ROBO2: variants seen among roughly 807,000 people sequenced by gnomAD.
ROBO2 encodes the protein roundabout guidance receptor 2.
Under a neutral mutation model 160.8 loss-of-function variants are expected in ROBO2, and 53 were observed. The ratio of observed to expected loss-of-function variants is 0.33; its 90% CI spans 0.26 to 0.41. ROBO2 has a LOEUF of 0.41. Ranked by LOEUF, ROBO2 falls within the 10% of genes least tolerant of loss-of-function variation. The pLI, the probability that ROBO2 is intolerant of heterozygous loss-of-function variation, is 1.00. For missense variants in ROBO2, 1,577 were observed against 1,722.4 expected (o/e 0.92, Z 1.49); for synonymous variants, 664 against 611.7 (o/e 1.09, Z -1.26).
intron 2 of ROBO2, among the ~76,000 whole-genome samples, chr3:76,116,897 G>C (rs548562715): frequency 6.6e-6 from 1 of 152,190 alleles, no homozygotes; most frequent in Non-Finnish European, 1.5e-5. Context: ...AATGTGAAAT[G>C]TTTTCCATCA....
At chr3:76,451,907 C>T (rs1316638089) in intron 2 of ROBO2, among the ~76,000 whole-genome samples, 1 of 152,082 alleles carries the variant, frequency 6.6e-6, no homozygotes, top group Non-Finnish European at 1.5e-5. Flanking sequence ...AACCTGTTTA[C>T]AATTTTGTCT....
chr3:77,161,007 G>T (rs1205047346), intron 2 of ROBO2, among the ~76,000 whole-genome samples: 1 of 152,088 alleles, frequency 6.6e-6, no homozygotes, highest in African/African-American at 2.4e-5. Context: ...TGACTGAGTG[G>T]TTAACTGGTT....
intron 1 of ROBO2, among the ~76,000 whole-genome samples, chr3:75,919,408 GC>G (rs1946936857): frequency 1.3e-5 from 2 of 152,184 alleles, no homozygotes; most frequent in African/African-American, 4.8e-5. Flanking sequence ...TGGTGGATAA[GC>G]TTTTTGATGT....
chr3:76,778,922 C>T (rs2062452282), intron 2 of ROBO2, among the ~76,000 whole-genome samples: 2 of 151,074 alleles, frequency 1.3e-5, no homozygotes, highest in Non-Finnish European at 3.0e-5. Context: ...CAAATTGTCA[C>T]TGCATACATA....
chr3:76,533,672 A>G (rs2082344145), intron 2 of ROBO2, among the ~76,000 whole-genome samples: 1 of 152,134 alleles, frequency 6.6e-6, no homozygotes, highest in Admixed American at 6.5e-5. Flanking sequence ...GTCCGAAAAG[A>G]GAGTCAGCAA....
chr3:77,362,541 T>G (rs1000992570), intron 2 of ROBO2, among the ~76,000 whole-genome samples: 2 of 152,108 alleles, frequency 1.3e-5, no homozygotes, highest in African/African-American at 4.8e-5. Context: ...GGGTTCTTGC[T>G]AAAACTGGAT....
intron 8 of ROBO2, among the ~76,000 whole-genome samples, chr3:77,554,941 A>C (rs1163256917): frequency 6.6e-6 from 1 of 152,004 alleles, no homozygotes; most frequent in African/African-American, 2.4e-5. Flanking sequence ...ACAGCATTGC[A>C]TGCTACTGAA....
intron 2 of ROBO2, among the ~76,000 whole-genome samples, chr3:76,175,890 T>G (rs2073211920): frequency 2.6e-5 from 4 of 152,146 alleles, no homozygotes; most frequent in Admixed American, 2.0e-4. Context: ...TCTCATCCTA[T>G]GTAGTTTTTC....
At chr3:77,336,309 G>A (rs1407124505) in intron 2 of ROBO2, among the ~76,000 whole-genome samples, 1 of 152,106 alleles carries the variant, frequency 6.6e-6, no homozygotes, top group Admixed American at 6.5e-5. Context: ...GGACCTCTCA[G>A]GTTCAGCAAA....
At chr3:77,470,857 A>G (rs897707262) in intron 2 of ROBO2, among the ~76,000 whole-genome samples, 1 of 152,182 alleles carries the variant, frequency 6.6e-6, no homozygotes, top group Admixed American at 6.5e-5. Context: ...ATTGTGCCAC[A>G]TAACTCCAGC....
chr3:76,592,520 T>G (rs2108840384), intron 2 of ROBO2, among the ~76,000 whole-genome samples: 1 of 152,214 alleles, frequency 6.6e-6, no homozygotes, highest in Admixed American at 6.5e-5. Context: ...AGATAATAAC[T>G]TTGAGCTAAA....
chr3:76,304,167 A>G (rs1405195892), intron 2 of ROBO2, among the ~76,000 whole-genome samples: 1 of 152,194 alleles, frequency 6.6e-6, no homozygotes, highest in Non-Finnish European at 1.5e-5. Context: ...ACTGATATAT[A>G]TTATATGTTA....
At chr3:76,293,908 A>C (rs1576294544) in intron 2 of ROBO2, among the ~76,000 whole-genome samples, 1 of 152,270 alleles carries the variant, frequency 6.6e-6, no homozygotes, top group African/African-American at 2.4e-5. Flanking sequence ...GCCTCCTGCC[A>C]CCATTCACGG....
At chr3:77,587,492 C>A (rs2094082354) in intron 16 of ROBO2, among the ~76,000 whole-genome samples, 1 of 151,940 alleles carries the variant, frequency 6.6e-6, no homozygotes, top group African/African-American at 2.4e-5. Flanking sequence ...TTAAAGCAGC[C>A]CTTAAACTTA....
At chr3:76,494,207 A>C (rs2107562822) in intron 2 of ROBO2, among the ~76,000 whole-genome samples, 1 of 152,312 alleles carries the variant, frequency 6.6e-6, no homozygotes, top group Admixed American at 6.5e-5. Context: ...TTCACACATA[A>C]AAATGAAGGA....
At chr3:76,136,254 G>A (rs1033046434) in intron 2 of ROBO2, among the ~76,000 whole-genome samples, 16 of 152,018 alleles carry the variant, frequency 1.1e-4, no homozygotes, top group African/African-American at 3.9e-4. Flanking sequence ...AGTTGACAGT[G>A]CTGTAAGAAA....
intron 2 of ROBO2, among the ~76,000 whole-genome samples, chr3:76,480,669 C>T (rs1315766518): frequency 1.3e-5 from 2 of 152,070 alleles, no homozygotes; most frequent in Non-Finnish European, 2.9e-5. Context: ...AGAGGTGATT[C>T]GGCTCTTGGG....
chr3:76,338,167 A>G (rs1345547349), intron 2 of ROBO2, among the ~76,000 whole-genome samples: 2 of 152,212 alleles, frequency 1.3e-5, no homozygotes, highest in African/African-American at 4.8e-5. Context: ...TCAGCCTATT[A>G]GTAAACTTTA....
chr3:76,590,092 T>C (rs1285127973), intron 2 of ROBO2, among the ~76,000 whole-genome samples: 1 of 152,110 alleles, frequency 6.6e-6, no homozygotes, highest in Non-Finnish European at 1.5e-5. Context: ...ATATATGTAA[T>C]AGACTCTCAT....
Sources: allele counts gnomAD v4.1 joint callset (sites outside exome capture counted in the v4.1 genomes callset), GRCh38; gene constraint gnomAD v4.1.1; transcripts MANE v1.5; gene names NCBI Gene and HGNC (gene_info 2026-07-23, HGNC 2026-07-21).